Variants in RBMS1 observed in about 807,000 individuals in gnomAD.
RBMS1 encodes RNA binding motif single stranded interacting protein 1.
In RBMS1, 17 loss-of-function variants were observed where a neutral mutation model predicts 62.3. The ratio of observed to expected loss-of-function variants is 0.27; its 90% CI spans 0.19 to 0.41. The LOEUF is 0.41. Ranked by LOEUF, RBMS1 falls within the 10% of genes least tolerant of loss-of-function variation. The pLI, the probability that RBMS1 is intolerant of heterozygous loss-of-function variation, is 1.00. For missense variants in RBMS1, 334 were observed against 504.5 expected, an observed-to-expected ratio of 0.66 and a Z score of 3.24; for synonymous variants, 172 against 170.0, an observed-to-expected ratio of 1.01 and a Z score of -0.09.
chr2:160,343,804 T>C (rs1351928649), intron 2 of RBMS1, among the ~76,000 whole-genome samples: 1 of 152,196 alleles, frequency 6.6e-6, no homozygotes, highest in Non-Finnish European at 1.5e-5. Flanking sequence ...ATATATTCTA[T>C]TCTACTTTTG....
rs112830652 is a variant in RBMS1, at chr2:160,393,119, G to A, written c.76-25728C>T. On this transcript the variant is annotated intron_variant, in intron 1 of 13. Transcript: ENST00000348849. ...AAGCAGTTTCATAGAGTCAGTTAAA[G>A]GGTAGACTAACTCTAAGGTGACAAT... Among the ~76,000 whole-genome samples the A allele has an allele frequency of 4.4e-3, 666 of 152,178 alleles. 4 individuals carry two copies. The highest frequency in any genetic ancestry group is 0.015 in the African/African-American group (630 of 41,502).
chr2:160,416,929 C>CTA (rs1280739564), intron 1 of RBMS1, among the ~76,000 whole-genome samples: 2 of 152,166 alleles, frequency 1.3e-5, no homozygotes, highest in Admixed American at 1.3e-4. Flanking sequence ...TCGGTGGCTT[C>CTA]TATAGATTGT....
At chr2:160,322,677 C>T (rs2105974183) in intron 2 of RBMS1, among the ~76,000 whole-genome samples, 1 of 152,268 alleles carries the variant, frequency 6.6e-6, no homozygotes, top group East Asian at 1.9e-4. Context: ...CTTCCCTTTC[C>T]TAAAATATTC....
At chr2:160,436,742 G>A in intron 1 of RBMS1, among the ~76,000 whole-genome samples, 1 of 151,994 alleles carries the variant, frequency 6.6e-6, no homozygotes, top group East Asian at 1.9e-4. Flanking sequence ...ATATTTCCGA[G>A]GGTGCTGCTG....
At chr2:160,278,394 G>A (rs1559306515) in intron 11 of RBMS1, 154 bp downstream of exon 11, 2 of 663,012 alleles carry the variant, frequency 3.0e-6, no homozygotes, top group Non-Finnish European at 2.7e-6. Flanking sequence ...AGAAATAGCT[G>A]AGTATTTACT....
intron 1 of RBMS1, among the ~76,000 whole-genome samples, chr2:160,379,028 T>G (rs528616579): frequency 1.3e-5 from 2 of 152,250 alleles, no homozygotes; most frequent in South Asian, 4.1e-4. Flanking sequence ...AAAACCAGCA[T>G]GGGCAACATG....
At chr2:160,350,984 T>C (rs1307315380) in intron 2 of RBMS1, among the ~76,000 whole-genome samples, 1 of 152,112 alleles carries the variant, frequency 6.6e-6, no homozygotes, top group Non-Finnish European at 1.5e-5. Context: ...TGTAAAAGTG[T>C]TCCTATTCGC....
chr2:160,279,012 T>C, intron 10 of RBMS1: 1 of 175,120 alleles, frequency 5.7e-6, no homozygotes, highest in South Asian at 1.5e-4. Flanking sequence ...TGATTATCAC[T>C]GCCTGCCTAG....
chr2:160,493,699 C>G lies in RBMS1; in HGVS notation c.-336G>C. 1 of 383,986 alleles carries G rather than the reference C, an allele frequency of 2.6e-6. No individual in the cohort carries two copies. Among genetic ancestry groups the G allele is most frequent in the Non-Finnish European group, 4.8e-6 (1 of 208,490 alleles). The allele number at this position is 383,986 out of a possible 1,614,324, so 23.8% of individuals were successfully genotyped here. ...CTGCTCCGGGGCTGCCAAGGGCTGG[C>G]GCGCTGGCCGCGGTCCGCTCGGGCG... On this transcript the variant is annotated 5_prime_UTR_variant, in exon 1 of 14. Transcript: ENST00000348849.
chr2:160,347,992 G>C (rs1217616939), intron 2 of RBMS1, among the ~76,000 whole-genome samples: 1 of 152,034 alleles, frequency 6.6e-6, no homozygotes, highest in Non-Finnish European at 1.5e-5. Flanking sequence ...AAATAGGCAG[G>C]AGTGGTATTT....
At chr2:160,469,317 T>C (rs1180715045) in intron 1 of RBMS1, among the ~76,000 whole-genome samples, 2 of 152,180 alleles carry the variant, frequency 1.3e-5, no homozygotes, top group African/African-American at 2.4e-5. Context: ...GTCCTCTTTG[T>C]CAGAGAGGCA....
chr2:160,367,088 T>C lies in RBMS1; in HGVS notation c.251+128A>G. 3 of 894,432 alleles carry C rather than the reference T, an allele frequency of 3.4e-6. No individual in the cohort carries two copies. In the South Asian group the frequency reaches 7.9e-5, roughly 24 times the overall value. 55.4% of individuals were successfully genotyped at this position (894,432 alleles called of 1,614,324 possible). ...AGAAGTTAAAACTTGAAACCCATTT[T>C]ATTGTTGTGACACTGAGAGTCCACA... On this transcript the variant is annotated intron_variant, in intron 2 of 13. Transcript: ENST00000348849.
intron 2 of RBMS1, among the ~76,000 whole-genome samples, chr2:160,322,096 T>C (rs1204796341): frequency 6.6e-6 from 1 of 152,246 alleles, no homozygotes; most frequent in African/African-American, 2.4e-5. Flanking sequence ...TCCTAGACAC[T>C]GTGCCAGGTA....
intron 1 of RBMS1, chr2:160,367,607 A>G: frequency 1.3e-6 from 1 of 755,000 alleles, no homozygotes; most frequent in Non-Finnish European, 1.9e-6. Context: ...AAAGTTCTCT[A>G]TGTGCACCTT....
At chr2:160,383,186 TC>T (rs1559479280) in intron 1 of RBMS1, among the ~76,000 whole-genome samples, 1 of 152,076 alleles carries the variant, frequency 6.6e-6, no homozygotes, top group African/African-American at 2.4e-5. Context: ...AGGTTAACAT[TC>T]CCCCTGAAAG....
chr2:160,404,962 T>C (rs1695623620), intron 1 of RBMS1, among the ~76,000 whole-genome samples: 4 of 152,190 alleles, frequency 2.6e-5, no homozygotes. Flanking sequence ...GGAGTGATTG[T>C]CAGGGTTCAA....
At chr2:160,330,096 C>T (rs1195051289) in intron 2 of RBMS1, among the ~76,000 whole-genome samples, 3 of 152,132 alleles carry the variant, frequency 2.0e-5, no homozygotes, top group Non-Finnish European at 4.4e-5. Context: ...TTTGCTATTT[C>T]TACTTTGGGG....
chr2:160,333,063 A>G (rs1458270200), intron 2 of RBMS1, among the ~76,000 whole-genome samples: 1 of 151,910 alleles, frequency 6.6e-6, no homozygotes, highest in Non-Finnish European at 1.5e-5. Flanking sequence ...GGGATTCAAG[A>G]CGTAAGGCAA....
intron 7 of RBMS1, 30 bp downstream of exon 7, chr2:160,286,939 C>T (rs766485371): frequency 6.2e-7 from 1 of 1,609,008 alleles, no homozygotes; most frequent in Non-Finnish European, 8.5e-7. Context: ...CCCCCTCCCC[C>T]ACCCCGCAAA....
Sources: allele counts gnomAD v4.1 joint callset (sites outside exome capture counted in the v4.1 genomes callset), GRCh38; gene constraint gnomAD v4.1.1; transcripts MANE v1.5; gene names NCBI Gene and HGNC (gene_info 2026-07-23, HGNC 2026-07-21).